AUTS2: variants seen among roughly 807,000 people sequenced by gnomAD.
AUTS2 encodes autism susceptibility gene 2 protein.
Under a neutral mutation model 112.4 loss-of-function variants are expected in AUTS2, and 17 were observed. The ratio of observed to expected loss-of-function variants is 0.15; its 90% CI spans 0.10 to 0.23. The LOEUF (loss-of-function observed/expected upper bound fraction) is 0.23, where lower values mean the gene tolerates loss of function less well. AUTS2 is among the 10% of genes least tolerant of loss of function. AUTS2 has a pLI of 1.00. For missense variants in AUTS2, 1,510 were observed against 1,701.6 expected, an observed-to-expected ratio of 0.89 and a Z score of 1.98; for synonymous variants, 751 against 702.7, an observed-to-expected ratio of 1.07 and a Z score of -1.09.
At chr7:70,188,703 G>A (rs2129582434) in intron 4 of AUTS2, among the ~76,000 whole-genome samples, 1 of 152,170 alleles carries the variant, frequency 6.6e-6, no homozygotes, top group African/African-American at 2.4e-5. Context: ...TATAAGTGAT[G>A]TGTCCTGCTG....
At chr7:70,769,480 C>T (rs952099173) in intron 10 of AUTS2, among the ~76,000 whole-genome samples, 14 of 152,250 alleles carry the variant, frequency 9.2e-5, no homozygotes, top group South Asian at 6.2e-4. Flanking sequence ...GGTCAGGAGA[C>T]GGAGACCATC....
chr7:70,452,797 A>G (rs2131084652), intron 5 of AUTS2, among the ~76,000 whole-genome samples: 1 of 152,286 alleles, frequency 6.6e-6, no homozygotes, highest in Non-Finnish European at 1.5e-5. Flanking sequence ...ATACCCAGTA[A>G]AGCACAGGCG....
intron 2 of AUTS2, among the ~76,000 whole-genome samples, chr7:70,076,134 T>C (rs1014458931): frequency 1.3e-5 from 2 of 152,262 alleles, no homozygotes; most frequent in Non-Finnish European, 2.9e-5. Context: ...AGATAATGTG[T>C]ACCTGATATA....
intron 2 of AUTS2, among the ~76,000 whole-genome samples, chr7:70,021,085 C>T (rs150186401): frequency 0.012 from 1,806 of 152,168 alleles, 18 homozygotes; most frequent in Non-Finnish European, 0.018. Context: ...TGGATTCAAG[C>T]GATTCTCCTG....
intron 3 of AUTS2, among the ~76,000 whole-genome samples, chr7:70,129,817 C>T (rs762574707): frequency 6.6e-6 from 1 of 151,762 alleles, no homozygotes; most frequent in South Asian, 2.1e-4. Flanking sequence ...CCACCTGATG[C>T]TTTTATCAAG....
intron 1 of AUTS2, among the ~76,000 whole-genome samples, chr7:69,600,545 T>TG (rs1387086307): frequency 1.3e-5 from 2 of 148,622 alleles, no homozygotes; most frequent in Non-Finnish European, 3.0e-5. Flanking sequence ...ATTCTTTTTT[T>TG]TTTTTTTTTT....
intron 6 of AUTS2, among the ~76,000 whole-genome samples, chr7:70,746,142 T>TTTG (rs34427547): frequency 0.056 from 8,585 of 152,120 alleles, 407 homozygotes; most frequent in Non-Finnish European, 0.076. Context: ...AGTAAGGTTT[T>TTTG]TTGTTGTTGT....
intron 4 of AUTS2, among the ~76,000 whole-genome samples, chr7:70,144,276 C>A (rs1807010776): frequency 6.6e-6 from 1 of 152,196 alleles, no homozygotes; most frequent in African/African-American, 2.4e-5. Context: ...AAGTTAATAT[C>A]TCAACCCAAA....
chr7:70,113,326 A>G (rs1419554350), intron 2 of AUTS2, among the ~76,000 whole-genome samples: 1 of 152,142 alleles, frequency 6.6e-6, no homozygotes, highest in Non-Finnish European at 1.5e-5. Context: ...TGTACCTGTC[A>G]TCTGAAATAC....
intron 11 of AUTS2, among the ~76,000 whole-genome samples, 187 bp from the exon 12 acceptor site, chr7:70,773,841 G>A (rs1385409521): frequency 6.6e-6 from 1 of 152,220 alleles, no homozygotes; most frequent in Admixed American, 6.5e-5. Context: ...TTGCTGGAGA[G>A]AGCAAGCTGT....
intron 2 of AUTS2, among the ~76,000 whole-genome samples, chr7:69,985,695 C>T (rs1384057447): frequency 6.6e-6 from 1 of 152,022 alleles, no homozygotes; most frequent in Non-Finnish European, 1.5e-5. Flanking sequence ...TACTGTAGCT[C>T]TTAACTCAAA....
At chr7:69,721,913 C>A (rs1415031559) in intron 1 of AUTS2, among the ~76,000 whole-genome samples, 1 of 151,902 alleles carries the variant, frequency 6.6e-6, no homozygotes, top group Non-Finnish European at 1.5e-5. Flanking sequence ...GACAAAGGGG[C>A]CTGAGAGGTA....
chr7:69,998,686 C>T (rs921239779), intron 2 of AUTS2, among the ~76,000 whole-genome samples: 2 of 152,078 alleles, frequency 1.3e-5, no homozygotes, highest in Non-Finnish European at 2.9e-5. Flanking sequence ...TCTCTGCATT[C>T]GTGAAGCTTT....
chr7:69,799,096 G>A (rs1402990785), intron 1 of AUTS2, among the ~76,000 whole-genome samples: 2 of 151,746 alleles, frequency 1.3e-5, no homozygotes, highest in Admixed American at 1.3e-4. Flanking sequence ...CTCAATCACA[G>A]TGGATCAGTT....
chr7:69,606,433 G>A (rs760673717), intron 1 of AUTS2, among the ~76,000 whole-genome samples: 26 of 152,144 alleles, frequency 1.7e-4, no homozygotes, highest in Non-Finnish European at 2.9e-4. Context: ...ATGTGTGCAC[G>A]CACCTGTGTG....
intron 1 of AUTS2, among the ~76,000 whole-genome samples, chr7:69,779,971 T>C (rs1789078011): frequency 6.6e-6 from 1 of 152,036 alleles, no homozygotes; most frequent in Non-Finnish European, 1.5e-5. Context: ...TCCTTTCACT[T>C]CAGCCTCTGC....
intron 2 of AUTS2, among the ~76,000 whole-genome samples, chr7:70,038,431 T>G (rs1427186742): frequency 6.6e-6 from 1 of 152,164 alleles, no homozygotes; most frequent in Non-Finnish European, 1.5e-5. Flanking sequence ...GCATAACTGG[T>G]CATAGGCAGA....
chr7:70,401,585 G>A (rs897196048), intron 4 of AUTS2, among the ~76,000 whole-genome samples: 1 of 152,218 alleles, frequency 6.6e-6, no homozygotes, highest in Non-Finnish European at 1.5e-5. Flanking sequence ...GAAGACAGAT[G>A]AGACCGTGGA....
At chr7:69,671,037 C>T (rs925236107) in intron 1 of AUTS2, among the ~76,000 whole-genome samples, 1 of 152,110 alleles carries the variant, frequency 6.6e-6, no homozygotes, top group Non-Finnish European at 1.5e-5. Flanking sequence ...AATGTTGGCA[C>T]CTGGAAGAAT....
Sources: gnomAD v4.1 joint callset for allele counts (sites outside exome capture counted in the v4.1 genomes callset) on GRCh38, gnomAD v4.1.1 for gene constraint, MANE v1.5 for transcripts, NCBI Gene and HGNC (gene_info 2026-07-23, HGNC 2026-07-21) for gene names.